The following INPP4A variants were observed in gnomAD, a reference collection of about 807,000 sequenced individuals.
INPP4A encodes the protein inositol polyphosphate-4-phosphatase type I A.
INPP4A carries 33 observed loss-of-function variants against 119.8 expected under a neutral mutation model. The ratio of observed to expected loss-of-function variants is 0.28; its 90% CI spans 0.21 to 0.37. The LOEUF (loss-of-function observed/expected upper bound fraction) is 0.37, where lower values mean the gene tolerates loss of function less well. Ranked by LOEUF, INPP4A falls within the 10% of genes least tolerant of loss-of-function variation. The pLI is 1.00. For synonymous variants in INPP4A, 496 were observed against 500.7 expected (o/e 0.99, Z 0.12); for missense variants, 956 against 1,289.9 (o/e 0.74, Z 3.97).
intron 2 of INPP4A, chr2:98,519,414 G>A (rs937115707): frequency 6.6e-6 from 1 of 152,418 alleles, no homozygotes. Context: ...CATGCTTTGC[G>A]GGAAGGAAAG....
intron 1 of INPP4A, among the ~76,000 whole-genome samples, chr2:98,488,453 A>G (rs1329300665): frequency 6.6e-6 from 1 of 152,138 alleles, no homozygotes; most frequent in Non-Finnish European, 1.5e-5. Flanking sequence ...TTACCCACAC[A>G]GTTTTCTAGT....
intron 24 of INPP4A, chr2:98,581,631 C>T (rs1198219052): frequency 5.1e-6 from 8 of 1,576,024 alleles, no homozygotes; most frequent in African/African-American, 2.7e-5. Flanking sequence ...GGTGCCCATC[C>T]GAGACTTAAG....
chr2:98,513,055 T>G (rs1051419846), intron 1 of INPP4A, among the ~76,000 whole-genome samples: 4 of 152,240 alleles, frequency 2.6e-5, no homozygotes, highest in Non-Finnish European at 2.9e-5. Context: ...ATGGAAGGCC[T>G]GCTTGCTTCC....
chr2:98,567,675 TCTTGA>T (rs1197950477), intron 21 of INPP4A, among the ~76,000 whole-genome samples: 1 of 152,128 alleles, frequency 6.6e-6, no homozygotes, highest in Non-Finnish European at 1.5e-5. Flanking sequence ...AAGGGCAGGT[TCTTGA>T]CTTTGTTTCT....
intron 1 of INPP4A, among the ~76,000 whole-genome samples, chr2:98,453,825 A>C (rs1574467421): frequency 6.6e-6 from 1 of 152,168 alleles, no homozygotes; most frequent in Non-Finnish European, 1.5e-5. Context: ...CCTCCTGATG[A>C]GGAGTCCTCT....
intron 1 of INPP4A, among the ~76,000 whole-genome samples, chr2:98,454,829 C>A (rs906091437): frequency 6.6e-6 from 1 of 152,102 alleles, no homozygotes; most frequent in African/African-American, 2.4e-5. Context: ...ACTGACCCAA[C>A]TGAGCCTTTT....
chr2:98,497,152 G>A (rs1682151401), intron 1 of INPP4A, among the ~76,000 whole-genome samples: 1 of 152,262 alleles, frequency 6.6e-6, no homozygotes, highest in Non-Finnish European at 1.5e-5. Context: ...TTCAGAGGGT[G>A]CAAGCCTCAA....
chr2:98,574,335 G>C (rs1435364159), intron 23 of INPP4A, among the ~76,000 whole-genome samples: 1 of 152,004 alleles, frequency 6.6e-6, no homozygotes, highest in Non-Finnish European at 1.5e-5. Context: ...TTTCCCACAG[G>C]ACACGAAGAA....
chr2:98,473,232 AGT>A (rs1185511602), intron 1 of INPP4A, among the ~76,000 whole-genome samples: 22 of 146,712 alleles, frequency 1.5e-4, no homozygotes, highest in Admixed American at 1.4e-3. Flanking sequence ...TGCAGTGGAG[AGT>A]GTGGAGGGCA....
chr2:98,467,442 C>A (rs913732804), intron 1 of INPP4A, among the ~76,000 whole-genome samples: 1 of 152,164 alleles, frequency 6.6e-6, no homozygotes, highest in Non-Finnish European at 1.5e-5. Context: ...TCTGTTTAAA[C>A]GCTTTCTCCT....
intron 17 of INPP4A, among the ~76,000 whole-genome samples, chr2:98,562,191 A>G (rs1695602976): frequency 6.6e-6 from 1 of 152,224 alleles, no homozygotes; most frequent in Non-Finnish European, 1.5e-5. Context: ...TTTTTCCATT[A>G]CAGATACAAA....
chr2:98,458,644 T>G (rs991128438), intron 1 of INPP4A, among the ~76,000 whole-genome samples: 1 of 152,192 alleles, frequency 6.6e-6, no homozygotes, highest in Non-Finnish European at 1.5e-5. Flanking sequence ...GTGTGTTTTT[T>G]GGGGCTTGCT....
chr2:98,468,921 A>G (rs1279210876), intron 1 of INPP4A, among the ~76,000 whole-genome samples: 1 of 150,320 alleles, frequency 6.7e-6, no homozygotes, highest in Non-Finnish European at 1.5e-5. Context: ...GGCTTTGAGC[A>G]GAGCAGAGAT....
intron 1 of INPP4A, among the ~76,000 whole-genome samples, chr2:98,448,096 CTA>C (rs1283110775): frequency 6.7e-6 from 1 of 149,650 alleles, no homozygotes; most frequent in Non-Finnish European, 1.5e-5. Flanking sequence ...TGGCTCATGC[CTA>C]TAATCCCAGC....
intron 1 of INPP4A, among the ~76,000 whole-genome samples, chr2:98,462,625 A>G (rs1167961692): frequency 6.6e-6 from 1 of 151,424 alleles, no homozygotes; most frequent in Non-Finnish European, 1.5e-5. Flanking sequence ...TTCCAGGCTC[A>G]AGTGATCTTC....
intron 1 of INPP4A, 54 bp downstream of exon 1, chr2:98,445,139 C>G (rs1332202439): frequency 6.6e-6 from 1 of 151,436 alleles, no homozygotes; most frequent in Non-Finnish European, 1.5e-5. Context: ...GGGCCGGGGC[C>G]GGGGACGGAC....
chr2:98,555,709 G>A lies in INPP4A; in HGVS notation c.1723G>A (p.Ala575Thr), dbSNP rs372688727. The A allele has an allele frequency of 7.7e-5, 124 of 1,612,394 alleles. No homozygotes were observed. Among genetic ancestry groups the A allele is most frequent in the Non-Finnish European group, 8.7e-5 (102 of 1,179,160 alleles). ...TSKKGNPDSH[A>T]YWIRPEDPFC... ...CAAGAAAGGTAACCCGGACAGCCAC[G>A]CCTACTGGATCAGACCAGAAGACCC... The change falls in exon 16 of 25, where the codon GCC becomes ACC. Residue 575 changes from alanine (A) to threonine (T), a missense_variant. Coordinates refer to ENST00000409851, the MANE Select transcript of INPP4A (RefSeq NM_001134225.2).
At chr2:98,560,449 AC>A (rs988279422) in intron 17 of INPP4A, among the ~76,000 whole-genome samples, 18 of 152,196 alleles carry the variant, frequency 1.2e-4, no homozygotes, top group African/African-American at 4.3e-4. Context: ...CCTGGCAGCA[AC>A]CCCAGGACGC....
upstream of INPP4A, chr2:98,444,796 G>A (rs1033159961): frequency 6.6e-6 from 1 of 152,338 alleles, no homozygotes; most frequent in Non-Finnish European, 1.5e-5. Flanking sequence ...GCAGGGCGCG[G>A]GCCGGGCCCT....
Sources: gnomAD v4.1 joint callset for allele counts (sites outside exome capture counted in the v4.1 genomes callset) on GRCh38, gnomAD v4.1.1 for gene constraint, MANE v1.5 for transcripts, NCBI Gene and HGNC (gene_info 2026-07-23, HGNC 2026-07-21) for gene names.